The following LARGE1 variants were observed in gnomAD, a reference collection of about 807,000 sequenced individuals.
LARGE1 encodes the protein xylosyl- and glucuronyltransferase LARGE1.
In LARGE1, 43 loss-of-function variants were observed where a neutral mutation model predicts 87.6. The ratio of observed to expected loss-of-function variants is 0.49; its 90% CI spans 0.38 to 0.63. The LOEUF is 0.63. LARGE1 is among the 30% of genes least tolerant of loss of function. The probability of loss-of-function intolerance (pLI) is 0.00; values close to 1 mark genes in which losing one functional copy is unlikely to be tolerated. For synonymous variants in LARGE1, 434 were observed against 394.6 expected (o/e 1.10, Z -1.18); for missense variants, 802 against 1,000.2 (o/e 0.80, Z 2.67).
chr22:33,758,513 C>G lies in LARGE1; in HGVS notation c.106+2858G>C, dbSNP rs1237753976. Among the ~76,000 whole-genome samples, 5 of 152,158 alleles carry G rather than the reference C, an allele frequency of 3.3e-5. No individual in the cohort carries two copies. The East Asian group carries it at 9.6e-4, about 29-fold the overall frequency. ...CTAAATGCAGCTCGTGATTTGGTCC[C>G]AAGTGTGGGGTTCATTCTAAAGGAT... On this transcript the variant is annotated intron_variant, in intron 2 of 14. Coordinates refer to ENST00000397394, the MANE Select transcript of LARGE1 (RefSeq NM_133642.5).
chr22:33,786,884 G>A (rs1472934727), intron 1 of LARGE1, among the ~76,000 whole-genome samples: 3 of 152,032 alleles, frequency 2.0e-5, no homozygotes, highest in Non-Finnish European at 4.4e-5. Flanking sequence ...AGCCAGGCGT[G>A]GTGGCGCCTG....
intron 1 of LARGE1, among the ~76,000 whole-genome samples, chr22:33,882,397 C>CA (rs1749180635): frequency 6.6e-6 from 1 of 152,160 alleles, no homozygotes; most frequent in South Asian, 2.1e-4. Flanking sequence ...GCCTGTGTTT[C>CA]AAGTCAGTGC....
intron 7 of LARGE1, among the ~76,000 whole-genome samples, chr22:33,390,530 C>A (rs116024161): frequency 6.6e-5 from 10 of 152,180 alleles, no homozygotes; most frequent in African/African-American, 2.4e-4. Context: ...TTTTTAAAGA[C>A]CATGCTTCCT....
chr22:33,729,089 T>C (rs142801763), intron 2 of LARGE1, among the ~76,000 whole-genome samples: 155 of 152,308 alleles, frequency 1.0e-3, no homozygotes, highest in African/African-American at 3.4e-3. Context: ...GAACTGACGA[T>C]GATATAGTGA....
At chr22:33,182,890 G>T (rs1285603549) in intron 11 of LARGE1, among the ~76,000 whole-genome samples, 1 of 152,144 alleles carries the variant, frequency 6.6e-6, no homozygotes, top group Non-Finnish European at 1.5e-5. Flanking sequence ...AAAGCTCCAT[G>T]ACATTGGTCT....
chr22:33,656,987 CTCAA>C (rs1424052916), intron 2 of LARGE1: 1 of 152,218 alleles, frequency 6.6e-6, no homozygotes, highest in Non-Finnish European at 1.5e-5. Flanking sequence ...AAGTGATGAT[CTCAA>C]TCAATCTGAA....
At chr22:33,717,396 C>G (rs540515245) in intron 2 of LARGE1, among the ~76,000 whole-genome samples, 1 of 152,360 alleles carries the variant, frequency 6.6e-6, no homozygotes, top group South Asian at 2.1e-4. Context: ...AATCTGCTCT[C>G]AGCTGCTACC....
chr22:33,474,969 A>T (rs2069009009), intron 6 of LARGE1, among the ~76,000 whole-genome samples: 1 of 152,184 alleles, frequency 6.6e-6, no homozygotes, highest in South Asian at 2.1e-4. Flanking sequence ...TTCTGACAGT[A>T]ATATCAGAAG....
intron 2 of LARGE1, among the ~76,000 whole-genome samples, chr22:33,695,108 C>CTTT (rs71320988): frequency 0.038 from 5,318 of 140,044 alleles, 339 homozygotes; most frequent in African/African-American, 0.13. Context: ...TTCTTTCTTT[C>CTTT]TTTTTTTTTT....
chr22:33,683,436 T>G (rs912118159), intron 2 of LARGE1, among the ~76,000 whole-genome samples: 1 of 152,236 alleles, frequency 6.6e-6, no homozygotes, highest in African/African-American at 2.4e-5. Context: ...GTCTCCAGCT[T>G]TGCTGACTGA....
intron 6 of LARGE1, among the ~76,000 whole-genome samples, chr22:33,435,920 C>T (rs1166205865): frequency 6.6e-6 from 1 of 152,160 alleles, no homozygotes; most frequent in Non-Finnish European, 1.5e-5. Context: ...GCTACTGAGA[C>T]TTCATTTTGC....
At chr22:33,649,380 C>T (rs2080721170) in intron 3 of LARGE1, among the ~76,000 whole-genome samples, 1 of 152,174 alleles carries the variant, frequency 6.6e-6, no homozygotes, top group Non-Finnish European at 1.5e-5. Flanking sequence ...GAAGTCTAAC[C>T]ACTCTTTATT....
chr22:33,289,250 G>A (rs113851144), intron 12 of LARGE1, among the ~76,000 whole-genome samples: 3,156 of 152,212 alleles, frequency 0.021, 96 homozygotes, highest in African/African-American at 0.072. Flanking sequence ...GAGCCACCGC[G>A]CCCAGCTGGA....
At chr22:33,323,065 T>A (rs1200720436) in intron 10 of LARGE1, among the ~76,000 whole-genome samples, 1 of 152,112 alleles carries the variant, frequency 6.6e-6, no homozygotes, top group Non-Finnish European at 1.5e-5. Flanking sequence ...ATGGTTGCAG[T>A]GAGCCGAGAT....
intron 7 of LARGE1, among the ~76,000 whole-genome samples, chr22:33,390,862 G>GT (rs374842580): frequency 7.0e-4 from 106 of 151,990 alleles, no homozygotes; most frequent in African/African-American, 2.2e-3. Flanking sequence ...CCTGGCTAAT[G>GT]TTTTTTGTAT....
intron 6 of LARGE1, among the ~76,000 whole-genome samples, chr22:33,476,093 C>T (rs2069065743): frequency 6.6e-6 from 1 of 152,180 alleles, no homozygotes. Flanking sequence ...AAGGAAATTC[C>T]CTGTGAAACT....
At chr22:33,318,420 T>C (rs1936391857) in intron 10 of LARGE1, among the ~76,000 whole-genome samples, 1 of 152,198 alleles carries the variant, frequency 6.6e-6, no homozygotes, top group Admixed American at 6.6e-5. Flanking sequence ...TTCACCCATG[T>C]CCCTACAAAG....
At chr22:33,241,562 ATGTGTATATATG>A (rs201952512) in intron 11 of LARGE1, among the ~76,000 whole-genome samples, 2,713 of 151,584 alleles carry the variant, frequency 0.018, 81 homozygotes, top group African/African-American at 0.06. Flanking sequence ...ATATGTATAT[ATGTGTATATATG>A]TGTGTATATG....
chr22:33,466,693 T>TAC (rs536654371), intron 6 of LARGE1, among the ~76,000 whole-genome samples: 3,450 of 145,292 alleles, frequency 0.024, 68 homozygotes, highest in African/African-American at 0.05. Flanking sequence ...TCTCTCTCTC[T>TAC]ACACACACAC....
Sources: allele counts gnomAD v4.1 joint callset (sites outside exome capture counted in the v4.1 genomes callset), GRCh38; gene constraint gnomAD v4.1.1; transcripts MANE v1.5; gene names NCBI Gene and HGNC (gene_info 2026-07-23, HGNC 2026-07-21).